The following MSH3 variants were observed in gnomAD, a reference collection of about 807,000 sequenced individuals.
The protein encoded by MSH3 is mutS homolog 3, also known as DNA mismatch repair protein Msh3.
In MSH3, 106 loss-of-function variants were observed where a neutral mutation model predicts 123.3. The ratio of observed to expected loss-of-function variants is 0.86; its 90% confidence interval spans 0.73 to 1.01. The LOEUF (loss-of-function observed/expected upper bound fraction) is 1.01. Among genes scored for constraint, MSH3 ranks in the 50% least tolerant of loss-of-function variants. The probability of loss-of-function intolerance (pLI) is 0.00; values close to 1 mark genes in which losing one functional copy is unlikely to be tolerated. For synonymous variants in MSH3, 515 were observed against 481.4 expected (o/e 1.07, Z -0.91); for missense variants, 1,459 against 1,347.6 (o/e 1.08, Z -1.29).
In MSH3 at chr5:80,670,127, G is replaced by C. The variant is rs2112812169; in HGVS notation, c.610G>C (p.Gly204Arg). The C allele has an allele frequency of 1.2e-6, 2 of 1,614,010 alleles. No homozygotes were observed. Among genetic ancestry groups the C allele is most frequent in the Non-Finnish European group, 1.7e-6 (2 of 1,180,002 alleles). ...AACACTTTTTGATCTCAGTCAGTTT[G>C]GATCATCAAATACAAGTCATGAAAA... is the stretch of plus-strand genomic sequence containing the variant. ...DTTLFDLSQF[G>R]SSNTSHENLQ... Residue 204 changes from glycine (G) to arginine (R), a missense_variant, in exon 4 of 24, where the codon GGA becomes CGA. Coordinates refer to ENST00000265081, the MANE Select transcript of MSH3 (RefSeq NM_002439.5).
At chr5:80,873,393 C>T in intron 23 of MSH3, 106 bp downstream of exon 23, 2 of 1,110,336 alleles carry the variant, frequency 1.8e-6, no homozygotes, top group Non-Finnish European at 2.6e-6. Flanking sequence ...CTTTTAAGCA[C>T]CTCTTCAAAT....
chr5:80,676,825 C>G (rs1019603839), intron 7 of MSH3, among the ~76,000 whole-genome samples: 1 of 152,212 alleles, frequency 6.6e-6, no homozygotes, highest in African/African-American at 2.4e-5. Context: ...AAAACTCCTT[C>G]TAAAGAACAG....
intron 8 of MSH3, among the ~76,000 whole-genome samples, chr5:80,684,189 T>C (rs1750034473): frequency 6.6e-6 from 1 of 152,168 alleles, no homozygotes; most frequent in South Asian, 2.1e-4. Context: ...CTCATATACA[T>C]TTTAGGCTAA....
chr5:80,838,189 G>T (rs1379539539), intron 20 of MSH3, among the ~76,000 whole-genome samples: 1 of 152,140 alleles, frequency 6.6e-6, no homozygotes, highest in Non-Finnish European at 1.5e-5. Flanking sequence ...ATTATCCAAG[G>T]GGGTGAACAC....
Position 80,854,267 on chromosome 5 carries a change from A to T in MSH3, c.2951A>T (p.His984Leu). Residue 984 changes from histidine to leucine, a missense_variant, in exon 21 of 24, where the codon CAT (histidine) becomes CTT (leucine). Coordinates refer to ENST00000265081, the MANE Select transcript of MSH3 (RefSeq NM_002439.5). ...GAACTAGGAAGAGGGACGAGCACTC[A>T]TGATGGAATTGCCATTGCCTATGCT... ...LDELGRGTST[H>L]DGIAIAYATL... The T allele has an allele frequency of 6.2e-7, 1 of 1,614,042 alleles. No homozygotes were observed. Among genetic ancestry groups the T allele is most frequent in the South Asian group, 1.1e-5 (1 of 91,070 alleles).
chr5:80,841,581 C>T (rs245369), intron 20 of MSH3, among the ~76,000 whole-genome samples: 131,243 of 152,214 alleles, frequency 0.86, 56,661 homozygotes, highest in East Asian at 1. Context: ...TTCCTGTCTT[C>T]TTAATGATCA....
chr5:80,851,897 A>G (rs768788477), intron 20 of MSH3, among the ~76,000 whole-genome samples: 6 of 152,192 alleles, frequency 3.9e-5, no homozygotes, highest in Admixed American at 6.5e-5. Flanking sequence ...GTTTTTTATA[A>G]ATATGTGTGT....
In MSH3 at chr5:80,777,171, C is replaced by T. The variant is rs572604324; in HGVS notation, c.2318+1413C>T. 2.8e-3 allele frequency among the ~76,000 whole-genome samples: 428 copies of T among 151,982 alleles called. 7 individuals are homozygous for T. The highest frequency in any genetic ancestry group is 2.4e-3 in the Non-Finnish European group (160 of 67,956). ...TCTCGAACTCAAGTGATCCACCTGCCTTGGCCTCCCAGTAATTTATTATTT... is the reference window on the plus strand; with the variant it reads ...TCTCGAACTCAAGTGATCCACCTGCTTTGGCCTCCCAGTAATTTATTATTT... On this transcript the variant is annotated intron_variant, in intron 16 of 23. Coordinates refer to ENST00000265081, the MANE Select transcript of MSH3 (RefSeq NM_002439.5).
intron 17 of MSH3, among the ~76,000 whole-genome samples, chr5:80,785,169 T>A (rs980277256): frequency 2.0e-5 from 3 of 152,236 alleles, no homozygotes; most frequent in Non-Finnish European, 2.9e-5. Context: ...AAACCCACAC[T>A]ACAATAGAGA....
At position 80,658,450 on chromosome 5, in the gene MSH3, G is replaced by A. The variant is rs114678810; in HGVS notation, c.358+1919G>A. On this transcript the variant is annotated intron_variant, in intron 2 of 23. Coordinates refer to ENST00000265081, the MANE Select transcript of MSH3 (RefSeq NM_002439.5). Reference sequence around the variant, plus strand: ...AAGTAACTTAACTAAGACCACATGGGGACAGTTGAGATGGAATGTTGTTGA... The same window carrying A: ...AAGTAACTTAACTAAGACCACATGGAGACAGTTGAGATGGAATGTTGTTGA... Among the ~76,000 whole-genome samples, 324 of 152,238 alleles carry A rather than the reference G, an allele frequency of 2.1e-3. 2 individuals carry two copies. Among genetic ancestry groups the A allele is most frequent in the African/African-American group, 7.7e-3 (321 of 41,554 alleles).
In MSH3 at chr5:80,852,071, A is replaced by G. The variant is rs553372374; in HGVS notation, c.2814-2059A>G. 6.6e-5 allele frequency among the ~76,000 whole-genome samples: 10 copies of G among 152,310 alleles called. No homozygotes were observed. The South Asian group carries it at 1.5e-3, about 22-fold the overall frequency. On this transcript the variant is annotated intron_variant, in intron 20 of 23. Coordinates refer to ENST00000265081, the MANE Select transcript of MSH3 (RefSeq NM_002439.5). ...CCAGGCATGGTGGCTCATGCCTGTA[A>G]TCTCAGCATTTTGGGAGGCTAAGGC...
rs544171367 is a variant in MSH3, at chr5:80,692,974, T to C, written c.1340+13881T>C. On this transcript the variant is annotated intron_variant, in intron 8 of 23. Coordinates refer to ENST00000265081, the MANE Select transcript of MSH3 (RefSeq NM_002439.5). Reference sequence around the variant, plus strand: ...ATGTATATGTTTAGATAAATATACATGCACATGTATATGTTTAGATAAATA... The same window carrying C: ...ATGTATATGTTTAGATAAATATACACGCACATGTATATGTTTAGATAAATA... 3.2e-4 allele frequency among the ~76,000 whole-genome samples: 36 copies of C among 113,792 alleles called. 1 individual carries two copies. The highest frequency in any genetic ancestry group is 1.1e-3 in the African/African-American group (34 of 30,224). The allele number at this position is 113,792 out of a possible 152,430, so 74.7% of individuals were successfully genotyped here. A position where few individuals can be genotyped will look rare whatever the true frequency, so the allele number is the denominator to read the frequency against.
intron 19 of MSH3, among the ~76,000 whole-genome samples, chr5:80,804,512 C>T (rs1472995568): frequency 2.6e-5 from 4 of 152,276 alleles, no homozygotes; most frequent in African/African-American, 7.2e-5. Context: ...TCCAGTAATA[C>T]TGTAGCTCTT....
intron 15 of MSH3, among the ~76,000 whole-genome samples, chr5:80,773,603 C>A (rs1475412891): frequency 6.6e-6 from 1 of 152,046 alleles, no homozygotes; most frequent in Non-Finnish European, 1.5e-5. Flanking sequence ...TTAATATGAA[C>A]ATTATAAATA....
At chr5:80,789,646 T>C (rs889308099) in intron 18 of MSH3, among the ~76,000 whole-genome samples, 16 of 152,218 alleles carry the variant, frequency 1.1e-4, no homozygotes, top group African/African-American at 2.9e-4. Context: ...GCTGGAATTA[T>C]AGACGTGAGC....
rs527792481 is a variant in MSH3, at chr5:80,732,388, C to G, written c.1568+3423C>G. Among the ~76,000 whole-genome samples the G allele has an allele frequency of 3.3e-5, 5 of 152,088 alleles. No individual in the cohort carries two copies. The South Asian group carries it at 1.0e-3, about 32-fold the overall frequency. ...AAACCTTTTTTTTAAAAGAAAACTT[C>G]TTATGATAACAGAATGATAACATGT... On this transcript the variant is annotated intron_variant, in intron 10 of 23. Transcript: ENST00000265081.
At chr5:80,767,080 T>C (rs929511539) in intron 13 of MSH3, among the ~76,000 whole-genome samples, 2 of 152,328 alleles carry the variant, frequency 1.3e-5, no homozygotes, top group African/African-American at 4.8e-5. Flanking sequence ...AATTTTCTTT[T>C]AGCTGTTTCG....
Position 80,654,940 on chromosome 5 carries a change from C to G in MSH3, c.213C>G (p.Phe71Leu). 6.8e-7 allele frequency: 1 copy of G among 1,473,242 alleles called. No individual in the cohort carries two copies. Among genetic ancestry groups the G allele is most frequent in the Non-Finnish European group, 9.0e-7 (1 of 1,115,906 alleles). The allele number at this position is 1,473,242 out of a possible 1,614,324, so 91.3% of individuals were successfully genotyped here. A position where few individuals can be genotyped will look rare whatever the true frequency, so the allele number is the denominator to read the frequency against. The change falls in exon 1 of 24, where the codon TTC becomes TTG. Residue 71 changes from phenylalanine (F) to leucine (L), a missense_variant. Coordinates refer to ENST00000265081, the MANE Select transcript of MSH3 (RefSeq NM_002439.5). ...CCCCAGCGCCCCCAGCTCCCGCCTT[C>G]CCGCCCCAGCTGCCGCCGCACATAG... ...AAPPAPPAPA[F>L]PPQLPPHIAT...
At chr5:80,746,575 A>G (rs775428846) in intron 12 of MSH3, 1 of 404,626 alleles carries the variant, frequency 2.5e-6, no homozygotes, top group Non-Finnish European at 4.9e-6. Context: ...CTAAGGAGGG[A>G]TCTCCTCTGT....
Sources: gnomAD v4.1 joint callset for allele counts (sites outside exome capture counted in the v4.1 genomes callset) on GRCh38, gnomAD v4.1.1 for gene constraint, MANE v1.5 for transcripts, NCBI Gene and HGNC (gene_info 2026-07-23, HGNC 2026-07-21) for gene names.